RCAN2: variants seen among roughly 807,000 people sequenced by gnomAD.
RCAN2 encodes the protein calcipressin-2.
RCAN2 carries 9 observed loss-of-function variants against 23.6 expected under a neutral mutation model. The ratio of observed to expected loss-of-function variants is 0.38; its 90% confidence interval spans 0.23 to 0.67. RCAN2 has a LOEUF of 0.67. Ranked by LOEUF, RCAN2 falls within the 30% of genes least tolerant of loss-of-function variation. RCAN2 has a pLI of 0.51. For synonymous variants in RCAN2, 109 were observed against 115.7 expected, an observed-to-expected ratio of 0.94 and a Z score of 0.37; for missense variants, 273 against 302.3, an observed-to-expected ratio of 0.90 and a Z score of 0.72.
At chr6:46,325,979 T>A in intron 2 of RCAN2, 1 of 730,898 alleles carries the variant, frequency 1.4e-6, no homozygotes, top group Non-Finnish European at 1.7e-6. Context: ...AGGTTAAGGT[T>A]TGACAATTTT....
chr6:46,325,567 A>C, intron 2 of RCAN2: 12 of 1,564,732 alleles, frequency 7.7e-6, no homozygotes, highest in Non-Finnish European at 1.0e-5. Flanking sequence ...TGCTGTGGCC[A>C]GGCCTCGGTG....
chr6:46,261,586 C>T (rs779145699), intron 2 of RCAN2, among the ~76,000 whole-genome samples: 2 of 152,048 alleles, frequency 1.3e-5, no homozygotes, highest in African/African-American at 2.4e-5. Context: ...TCCCTATATC[C>T]GGAACCAAGT....
intron 2 of RCAN2, among the ~76,000 whole-genome samples, chr6:46,386,612 A>AT (rs1453217587): frequency 6.7e-6 from 1 of 148,850 alleles, no homozygotes; most frequent in Non-Finnish European, 1.5e-5. Context: ...CTGTCTCACA[A>AT]AAAAAAAAAA....
At chr6:46,370,122 C>T (rs1765288072) in intron 2 of RCAN2, among the ~76,000 whole-genome samples, 1 of 152,118 alleles carries the variant, frequency 6.6e-6, no homozygotes, top group Non-Finnish European at 1.5e-5. Flanking sequence ...TTAGAGAACT[C>T]CTCTCTGGTG....
chr6:46,234,909 C>T (rs960326272), intron 4 of RCAN2, among the ~76,000 whole-genome samples: 5 of 152,002 alleles, frequency 3.3e-5, no homozygotes, highest in African/African-American at 1.2e-4. Flanking sequence ...GGGCTGTTTC[C>T]CATTCTCAGG....
At chr6:46,295,608 G>A (rs1395213113) in intron 2 of RCAN2, among the ~76,000 whole-genome samples, 2 of 152,066 alleles carry the variant, frequency 1.3e-5, no homozygotes, top group Non-Finnish European at 2.9e-5. Context: ...TTTTGAGGCA[G>A]GAGATAAAGG....
chr6:46,221,312 G>C lies in RCAN2; in HGVS notation c.*1829C>G, dbSNP rs1274586034. 1 of 152,594 alleles carries C rather than the reference G, an allele frequency of 6.6e-6. No homozygotes were observed. The highest frequency in any genetic ancestry group is 1.9e-4 in the East Asian group (1 of 5,198). 9.5% of individuals were successfully genotyped at this position (152,594 alleles called of 1,614,324 possible). A position where few individuals can be genotyped will look rare whatever the true frequency, so the allele number is the denominator to read the frequency against. The stretch of plus-strand genomic sequence containing the variant: ...CAGATGATTGAGAAGAGTCAGCTTT[G>C]AAAGGCTGGATGCTGCAGTGCTCTG... On this transcript the variant is annotated 3_prime_UTR_variant, in exon 5 of 5. Transcript: ENST00000371374.
chr6:46,438,149 A>G (rs1032700622), intron 2 of RCAN2, among the ~76,000 whole-genome samples: 3 of 152,238 alleles, frequency 2.0e-5, no homozygotes, highest in African/African-American at 4.8e-5. Context: ...AATGCTGATT[A>G]CACAAGAGGA....
intron 2 of RCAN2, among the ~76,000 whole-genome samples, chr6:46,333,776 C>T (rs1764058870): frequency 6.6e-6 from 1 of 152,230 alleles, no homozygotes; most frequent in African/African-American, 2.4e-5. Context: ...TACAAGTGAA[C>T]TCAGCCAGCA....
At chr6:46,328,606 T>TTTTGTTTG (rs147253833) in intron 2 of RCAN2, among the ~76,000 whole-genome samples, 7 of 151,576 alleles carry the variant, frequency 4.6e-5, no homozygotes, top group African/African-American at 1.7e-4. Context: ...TTCTCTAGAG[T>TTTTGTTTG]TTTGTTTGTT....
chr6:46,402,529 C>T (rs1766279155), intron 2 of RCAN2, among the ~76,000 whole-genome samples: 1 of 152,116 alleles, frequency 6.6e-6, no homozygotes, highest in Non-Finnish European at 1.5e-5. Flanking sequence ...CTCTGCCTTC[C>T]CATGTAAAAC....
At chr6:46,320,930 C>T (rs1403032012) in intron 2 of RCAN2, among the ~76,000 whole-genome samples, 1 of 151,944 alleles carries the variant, frequency 6.6e-6, no homozygotes, top group Admixed American at 6.6e-5. Context: ...AGACAGTGAC[C>T]GTCTCAATGG....
At chr6:46,467,087 G>T (rs1486419847) in intron 1 of RCAN2, among the ~76,000 whole-genome samples, 1 of 151,948 alleles carries the variant, frequency 6.6e-6, no homozygotes, top group African/African-American at 2.4e-5. Context: ...GCACCTCTTG[G>T]GACACTTACT....
At chr6:46,237,861 G>A (rs1156591672) in intron 4 of RCAN2, among the ~76,000 whole-genome samples, 1 of 152,168 alleles carries the variant, frequency 6.6e-6, no homozygotes. Flanking sequence ...ACGTTAAGAA[G>A]AACCAGGACC....
In RCAN2 at chr6:46,305,396, C is replaced by G. The variant is rs16874552; in HGVS notation, c.226-56500G>C. Among the ~76,000 whole-genome samples, 19 of 152,034 alleles carry G rather than the reference C, an allele frequency of 1.2e-4. 1 individual carries two copies. Among genetic ancestry groups the G allele is most frequent in the African/African-American group, 4.6e-4 (19 of 41,414 alleles). ...GGGCCTGCTCCATTCCCTGTCATCA[C>G]GTTGGCTCCACTTCCTTCTTTGCTT... is the stretch of plus-strand genomic sequence containing the variant. On this transcript the variant is annotated intron_variant, in intron 2 of 4. Transcript: ENST00000371374.
chr6:46,444,114 C>G (rs1767628181), intron 2 of RCAN2, among the ~76,000 whole-genome samples: 2 of 152,102 alleles, frequency 1.3e-5, no homozygotes, highest in South Asian at 4.2e-4. Context: ...GCTTCAGGGT[C>G]TAGAGAAGAA....
intron 2 of RCAN2, among the ~76,000 whole-genome samples, chr6:46,443,779 T>C (rs1222107554): frequency 6.6e-6 from 1 of 152,216 alleles, no homozygotes; most frequent in Non-Finnish European, 1.5e-5. Context: ...GAGTTCTTTC[T>C]GCCTTACATT....
chr6:46,304,169 T>C (rs1561850355), intron 2 of RCAN2, among the ~76,000 whole-genome samples: 1 of 152,162 alleles, frequency 6.6e-6, no homozygotes, highest in Non-Finnish European at 1.5e-5. Context: ...TAATTATGGC[T>C]TTAATTTGCA....
chr6:46,416,107 T>C (rs1766708667), intron 2 of RCAN2, among the ~76,000 whole-genome samples: 1 of 152,112 alleles, frequency 6.6e-6, no homozygotes, highest in Admixed American at 6.6e-5. Flanking sequence ...ATTGATTCAA[T>C]CTATGGATTC....
Sources: gnomAD v4.1 joint callset for allele counts (sites outside exome capture counted in the v4.1 genomes callset) on GRCh38, gnomAD v4.1.1 for gene constraint, MANE v1.5 for transcripts, NCBI Gene and HGNC (gene_info 2026-07-23, HGNC 2026-07-21) for gene names.